The following MPO variants were observed in gnomAD, a reference collection of about 807,000 sequenced individuals.
MPO encodes myeloperoxidase.
In MPO, 57 loss-of-function variants were observed where a neutral mutation model predicts 69.4. The ratio of observed to expected loss-of-function variants is 0.82; its 90% CI spans 0.66 to 1.02. The LOEUF (loss-of-function observed/expected upper bound fraction) is 1.02, where lower values mean the gene tolerates loss of function less well. Among genes scored for constraint, MPO ranks in the 50% least tolerant of loss-of-function variants. The probability of loss-of-function intolerance (pLI) is 0.00; values close to 1 mark genes in which losing one functional copy is unlikely to be tolerated. For synonymous variants in MPO, 426 were observed against 417.1 expected (o/e 1.02, Z -0.26); for missense variants, 971 against 1,014.1 (o/e 0.96, Z 0.58).
chr17:58,278,179 G>A (rs766536107), intron 6 of MPO, 34 bp from the exon 7 acceptor site: 44 of 1,596,750 alleles, frequency 2.8e-5, no homozygotes, highest in Non-Finnish European at 3.6e-5. Context: ...CTGGCTCACC[G>A]AGGGCAAGGA....
rs754823548 is a variant in MPO at position 58,271,647 on chromosome 17, C to T, written c.2030+8G>A. 4.3e-6 allele frequency: 7 copies of T among 1,613,468 alleles called. No individual in the cohort carries two copies. The Admixed American group carries it at 5.0e-5, about 12-fold the overall frequency. On this transcript the variant is annotated splice_region_variant and intron_variant, in intron 11 of 11. Transcript: ENST00000225275. The stretch of plus-strand genomic sequence containing the variant: ...ACCCAGCGGCCCACGACGCCTGCCC[C>T]TCCTCACCGATCACCATCCCGGAGC...
chr17:58,280,133 T>C, intron 2 of MPO, 119 bp from the exon 3 acceptor site: 1 of 1,354,362 alleles, frequency 7.4e-7, no homozygotes, highest in South Asian at 1.2e-5. Flanking sequence ...GGAGGAAGGC[T>C]TCCTTTTATA....
At chr17:58,273,197 T>C (rs541876087) in intron 9 of MPO, among the ~76,000 whole-genome samples, 5 of 152,118 alleles carry the variant, frequency 3.3e-5, no homozygotes, top group African/African-American at 9.6e-5. Flanking sequence ...CCACAACACA[T>C]AGGAAGTAGC....
rs763471541 is a variant in MPO, at chr17:58,273,657, G to A, written c.1378C>T (p.Arg460Trp). Residue 460 changes from arginine (R) to tryptophan (W), a missense_variant, in exon 9 of 12, where the codon CGG becomes TGG. Coordinates refer to ENST00000225275, the MANE Select transcript of MPO (RefSeq NM_000250.2). ...CCCAGCACCAGGGGCAGGTAGTCCCGGTAAGTGATGATCTAAAGACAAGTC... is the reference window on the plus strand; with the variant it reads ...CCCAGCACCAGGGGCAGGTAGTCCCAGTAAGTGATGATCTAAAGACAAGTC... ...VGAMVQIITY[R>W]DYLPLVLGPT... 42 of 1,614,074 alleles carry A rather than the reference G, an allele frequency of 2.6e-5. No individual in the cohort carries two copies. The highest frequency in any genetic ancestry group is 3.1e-5 in the Non-Finnish European group (36 of 1,180,046).
In MPO at chr17:58,280,854, G is replaced by T. The variant is rs1050664160; in HGVS notation, c.-96C>A. On this transcript the variant is annotated 5_prime_UTR_variant, in exon 1 of 12. Coordinates refer to ENST00000225275, the MANE Select transcript of MPO (RefSeq NM_000250.2). ...AAAGCCAGACCTCCTTGAGGGAGGGGCTCACTGCTCTCTTATCCCCTTGCC... is the reference window on the plus strand; with the variant it reads ...AAAGCCAGACCTCCTTGAGGGAGGGTCTCACTGCTCTCTTATCCCCTTGCC... The T allele has an allele frequency of 1.4e-6, 2 of 1,438,312 alleles. No homozygotes were observed. The highest frequency in any genetic ancestry group is 2.0e-5 in the Admixed American group (1 of 50,320). The allele number at this position is 1,438,312 out of a possible 1,614,324, so 89.1% of individuals were successfully genotyped here.
chr17:58,280,070 G>C (rs1970497053), intron 2 of MPO, 56 bp from the exon 3 acceptor site: 1 of 1,603,688 alleles, frequency 6.2e-7, no homozygotes, highest in Admixed American at 1.7e-5. Context: ...CCACCCAGCA[G>C]AGCCCCAGCC....
intron 10 of MPO, among the ~76,000 whole-genome samples, chr17:58,272,164 T>A (rs1970373804): frequency 6.6e-6 from 1 of 152,204 alleles, no homozygotes; most frequent in South Asian, 2.1e-4. Flanking sequence ...ACTGCCACAG[T>A]TCCTGCTGGG....
rs1216690104 is a variant in MPO at position 58,270,778 on chromosome 17, T to G, written c.2116A>C (p.Asn706His). 1 of 1,614,044 alleles carries G rather than the reference T, an allele frequency of 6.2e-7. No individual in the cohort carries two copies. The highest frequency in any genetic ancestry group is 1.1e-5 in the South Asian group (1 of 91,074). Reference sequence around the variant, plus strand: ...TTAGACACGGTGGTGATGCCTGTGTTGTCGCAGATGATCCGGGGCAATGAG... The same window carrying G: ...TTAGACACGGTGGTGATGCCTGTGTGGTCGCAGATGATCCGGGGCAATGAG... ...QISLPRIICD[N>H]TGITTVSKNN... is the part of the protein sequence containing the mutation. The change falls in exon 12 of 12, where the codon AAC (asparagine) becomes CAC (histidine). Residue 706 changes from asparagine to histidine, a missense_variant. Transcript: ENST00000225275. This position sits in a 1 kb window ranked among gnomAD's most constrained non-coding sequence, Gnocchi z 4.1.
Position 58,273,577 on chromosome 17 carries a change from C to A in MPO, c.1458G>T (p.Val486=). The change falls in exon 9 of 12, where the codon GTG becomes GTT. Residue 486 remains valine, a synonymous_variant. Coordinates refer to ENST00000225275, the MANE Select transcript of MPO (RefSeq NM_000250.2). ...LPTYRSYNDS[V]DPRIANVFTN... ...TGAAGACGTTGGCGATGCGTGGGTCCACTGAGTCATTGTAGGAACGGTACG... is the reference window on the plus strand; with the variant it reads ...TGAAGACGTTGGCGATGCGTGGGTCAACTGAGTCATTGTAGGAACGGTACG... 6.2e-7 allele frequency: 1 copy of A among 1,614,214 alleles called. No individual in the cohort carries two copies.
chr17:58,278,815 T>G, intron 6 of MPO, 193 bp downstream of exon 6: 2 of 703,254 alleles, frequency 2.8e-6, no homozygotes, highest in Non-Finnish European at 4.8e-6. Context: ...CGGCCCTGGC[T>G]GCCAGCTGGC....
In MPO at chr17:58,275,431, G is replaced by T; in HGVS notation, c.1365+111C>A. On this transcript the variant is annotated intron_variant, in intron 8 of 11. Transcript: ENST00000225275. This position sits in a 1 kb window ranked among gnomAD's most constrained non-coding sequence, Gnocchi z 4.1. ...TGTATTATAATCCTTACAGCCTCAT[G>T]GATGAAGAAGGCAAGGCTCAGGAGC... 7.4e-7 allele frequency: 1 copy of T among 1,357,704 alleles called. No individual in the cohort carries two copies. Among genetic ancestry groups the T allele is most frequent in the Non-Finnish European group, 1.0e-6 (1 of 954,746 alleles). 84.1% of individuals were successfully genotyped at this position (1,357,704 alleles called of 1,614,324 possible). A position where few individuals can be genotyped will look rare whatever the true frequency, so the allele number is the denominator to read the frequency against.
intron 9 of MPO, 56 bp from the exon 10 acceptor site, chr17:58,272,974 G>T (rs1177566231): frequency 2.1e-5 from 34 of 1,602,436 alleles, no homozygotes; most frequent in Non-Finnish European, 2.7e-5. Context: ...TCAGAGCTCA[G>T]ATTGGAGTCA....
rs139276063 is a variant in MPO, at chr17:58,271,628, C to T, written c.2030+27G>A. ...CAAGGATGGGCCCACAGCCACCCAGCGGCCCACGACGCCTGCCCCTCCTCA... is the reference window on the plus strand; with the variant it reads ...CAAGGATGGGCCCACAGCCACCCAGTGGCCCACGACGCCTGCCCCTCCTCA... On this transcript the variant is annotated intron_variant, in intron 11 of 11. Transcript: ENST00000225275. 8,321 of 1,606,020 alleles carry T rather than the reference C, an allele frequency of 5.2e-3. 33 individuals are homozygous for T. Among genetic ancestry groups the T allele is most frequent in the Non-Finnish European group, 6.3e-3 (7,433 of 1,173,752 alleles).
intron 10 of MPO, 48 bp downstream of exon 10, chr17:58,272,700 G>T (rs1310726747): frequency 6.3e-7 from 1 of 1,595,884 alleles, no homozygotes. Context: ...TACCTAGGAG[G>T]CAGCTCAGGG....
chr17:58,280,342 G>T, intron 2 of MPO, 24 bp downstream of exon 2: 2 of 1,606,380 alleles, frequency 1.2e-6, no homozygotes, highest in South Asian at 2.2e-5. Flanking sequence ...CTTGCCCAGA[G>T]CTGGGCAGTG....
At chr17:58,277,629 G>T in intron 7 of MPO, 198 bp downstream of exon 7, 1 of 752,752 alleles carries the variant, frequency 1.3e-6, no homozygotes, top group Non-Finnish European at 2.2e-6. Context: ...GGTTGGAGAG[G>T]TTGTTTGCTT....
At position 58,279,360 on chromosome 17, in the gene MPO, G is replaced by C; in HGVS notation, c.615C>G (p.Asp205Glu). ...FVRWLPAEYE[D>E]GFSLPYGWTP... ...TCCAGCCGTAGGGAAGAGAGAAGCCGTCCTCATACTCCGCCGGCAGCCAGC... is the reference window on the plus strand; with the variant it reads ...TCCAGCCGTAGGGAAGAGAGAAGCCCTCCTCATACTCCGCCGGCAGCCAGC... The change falls in exon 5 of 12, where the codon GAC becomes GAG. Residue 205 changes from aspartate (D) to glutamate (E), a missense_variant. By Grantham distance (45) the Asp-to-Glu change is conservative (BLOSUM62 2). Transcript: ENST00000225275. 1 of 1,591,466 alleles carries C rather than the reference G, an allele frequency of 6.3e-7. No homozygotes were observed. The highest frequency in any genetic ancestry group is 8.6e-7 in the Non-Finnish European group (1 of 1,169,090).
chr17:58,278,855 A>G, intron 6 of MPO, 153 bp downstream of exon 6: 1 of 949,218 alleles, frequency 1.1e-6, no homozygotes, highest in African/African-American at 1.6e-5. Context: ...GAGACAGGTC[A>G]TAGCTGAGCA....
In MPO at chr17:58,275,679, G is replaced by A; in HGVS notation, c.1228C>T (p.Pro410Ser). ...AGGGTGTGCATGGAGGTGAGCTCGG[G>A]CATCTCACTGGAACGGGTGTCCCCT... The part of the protein sequence containing the change: ...LAGDTRSSEM[P>S]ELTSMHTLLL... Residue 410 changes from proline (P) to serine (S), a missense_variant, in exon 8 of 12, where the codon CCC becomes TCC. Coordinates refer to ENST00000225275, the MANE Select transcript of MPO (RefSeq NM_000250.2). The surrounding 1 kb of genome is among the most constrained non-coding windows in gnomAD (Gnocchi z 4.1). The A allele has an allele frequency of 1.9e-6, 3 of 1,614,200 alleles. No homozygotes were observed. Among genetic ancestry groups the A allele is most frequent in the Non-Finnish European group, 1.7e-6 (2 of 1,180,026 alleles).
Sources: gnomAD v4.1 joint callset for allele counts (sites outside exome capture counted in the v4.1 genomes callset) on GRCh38, gnomAD v4.1.1 for gene constraint, Gnocchi (gnomAD v3.1) non-coding constraint, MANE v1.5 for transcripts, NCBI Gene and HGNC (gene_info 2026-07-23, HGNC 2026-07-21) for gene names.